The following PCSK5 variants were observed in gnomAD, a reference collection of about 807,000 sequenced individuals.
The protein encoded by PCSK5 is prohormone convertase 5.
In PCSK5, 129 loss-of-function variants were observed where a neutral mutation model predicts 233.2. The ratio of observed to expected loss-of-function variants is 0.55; its 90% CI spans 0.48 to 0.64. PCSK5 has a LOEUF of 0.64. Among genes scored for constraint, PCSK5 ranks in the 30% least tolerant of loss-of-function variants. PCSK5 has a pLI of 0.00. For missense variants in PCSK5, 2,076 were observed against 2,430.1 expected (o/e 0.85, Z 3.06); for synonymous variants, 825 against 879.2 (o/e 0.94, Z 1.09).
chr9:75,909,672 G>T (rs1333522787), intron 1 of PCSK5, among the ~76,000 whole-genome samples: 2 of 152,100 alleles, frequency 1.3e-5, no homozygotes, highest in East Asian at 3.9e-4. Context: ...TTCAGCCTGG[G>T]TAACAAGAGC....
chr9:76,240,688 T>C lies in PCSK5; in HGVS notation c.3142+4T>C, dbSNP rs748997177. ...GGATGTCTGGGATGCAGCTTGGGTA[T>C]GTCCTCTTCCTTTGTCACCTAAAGA... On this transcript the variant is annotated splice_donor_region_variant and intron_variant, in intron 24 of 37. Coordinates refer to ENST00000674117, the MANE Select transcript of PCSK5 (RefSeq NM_001372043.1). 6.4e-7 allele frequency: 1 copy of C among 1,571,774 alleles called. No homozygotes were observed. Among genetic ancestry groups the C allele is most frequent in the Non-Finnish European group, 8.7e-7 (1 of 1,154,620 alleles).
chr9:76,332,690 A>T, intron 34 of PCSK5, 80 bp downstream of exon 34: 1 of 1,070,496 alleles, frequency 9.3e-7, no homozygotes. Context: ...GAGGAAACTA[A>T]GATTCAGAAC....
intron 2 of PCSK5, among the ~76,000 whole-genome samples, chr9:75,946,558 A>C (rs1309660582): frequency 6.6e-6 from 1 of 151,500 alleles, no homozygotes; most frequent in African/African-American, 2.4e-5. Flanking sequence ...TTCTTTCCAA[A>C]CTTTCTCCTT....
intron 2 of PCSK5, among the ~76,000 whole-genome samples, chr9:75,943,751 T>A (rs145908186): frequency 2.4e-3 from 359 of 152,310 alleles, no homozygotes; most frequent in African/African-American, 8.0e-3. Flanking sequence ...TGCAATATAA[T>A]GAACTGCGCA....
At chr9:76,332,380 G>A in intron 33 of PCSK5, 53 bp from the exon 34 acceptor site, 2 of 1,386,330 alleles carry the variant, frequency 1.4e-6, no homozygotes, top group East Asian at 2.3e-5. Flanking sequence ...AAAATACAGG[G>A]GAGACATGTG....
intron 24 of PCSK5, among the ~76,000 whole-genome samples, chr9:76,276,511 C>A (rs1427391812): frequency 6.6e-6 from 1 of 152,180 alleles, no homozygotes; most frequent in Non-Finnish European, 1.5e-5. Context: ...TGACTCTCTC[C>A]CTTTCTCTCC....
chr9:76,236,844 C>A (rs1352507895), intron 22 of PCSK5, among the ~76,000 whole-genome samples: 5 of 152,184 alleles, frequency 3.3e-5, no homozygotes, highest in Non-Finnish European at 2.9e-5. Context: ...AAGAACACTT[C>A]CTTCTAAATC....
chr9:76,236,640 C>T (rs966945399), intron 22 of PCSK5, among the ~76,000 whole-genome samples: 2 of 152,234 alleles, frequency 1.3e-5, no homozygotes, highest in South Asian at 2.1e-4. Flanking sequence ...AAAATCTGAC[C>T]GAATCTTGAC....
At chr9:75,945,016 G>A (rs925175794) in intron 2 of PCSK5, among the ~76,000 whole-genome samples, 28 of 151,920 alleles carry the variant, frequency 1.8e-4, no homozygotes, top group African/African-American at 6.3e-4. Flanking sequence ...GGCTGAGGCA[G>A]GAGAATTGCT....
intron 5 of PCSK5, among the ~76,000 whole-genome samples, chr9:76,042,227 CT>C (rs1563989900): frequency 6.6e-6 from 1 of 152,200 alleles, no homozygotes; most frequent in African/African-American, 2.4e-5. Flanking sequence ...GATAAAAAAC[CT>C]AAAACAAGTG....
At chr9:76,090,840 G>A (rs1831256724) in intron 7 of PCSK5, among the ~76,000 whole-genome samples, 1 of 152,086 alleles carries the variant, frequency 6.6e-6, no homozygotes. Context: ...TAGAATCATG[G>A]GAACCCTGAG....
chr9:75,948,194 G>A (rs964714568), intron 2 of PCSK5, among the ~76,000 whole-genome samples: 1 of 151,990 alleles, frequency 6.6e-6, no homozygotes, highest in African/African-American at 2.4e-5. Flanking sequence ...AAGTTCTAGG[G>A]TACATGTGTA....
At chr9:76,166,431 G>C (rs751981653) in intron 12 of PCSK5, among the ~76,000 whole-genome samples, 2 of 152,162 alleles carry the variant, frequency 1.3e-5, no homozygotes, top group African/African-American at 4.8e-5. Flanking sequence ...AAAGTGATTG[G>C]TAGCAATGAA....
At chr9:75,916,443 C>T (rs889139316) in intron 1 of PCSK5, among the ~76,000 whole-genome samples, 2 of 151,992 alleles carry the variant, frequency 1.3e-5, no homozygotes, top group South Asian at 2.1e-4. Context: ...GGCAATATAG[C>T]GGTGTTTTTA....
In PCSK5 at chr9:75,993,279, T is replaced by TACCA. The variant is rs536289071; in HGVS notation, c.411+7034_411+7035insACCA. 7.4e-4 allele frequency among the ~76,000 whole-genome samples: 113 copies of TACCA among 152,238 alleles called. 3 individuals carry two copies. In the South Asian group the frequency reaches 0.023, roughly 31 times the overall value. The stretch of plus-strand genomic sequence containing the variant: ...GCCAGTGAGGCAGTAAATAATGGAC[T>TACCA]GGTAGGAACTAGTAAGAGTTGAGAT... On this transcript the variant is annotated intron_variant, in intron 3 of 37. Transcript: ENST00000674117.
At chr9:76,345,626 G>T (rs908034301) in intron 35 of PCSK5, among the ~76,000 whole-genome samples, 1 of 151,844 alleles carries the variant, frequency 6.6e-6, no homozygotes, top group African/African-American at 2.4e-5. Context: ...GTTTCACCAT[G>T]TTAGACAGGA....
At chr9:75,925,116 G>A (rs1388970078) in intron 1 of PCSK5, among the ~76,000 whole-genome samples, 2 of 152,144 alleles carry the variant, frequency 1.3e-5, no homozygotes, top group East Asian at 1.9e-4. Flanking sequence ...TTTTTGTTCA[G>A]TGATTTGAAG....
chr9:76,095,808 A>T, intron 7 of PCSK5, 82 bp from the exon 8 acceptor site: 1 of 1,216,102 alleles, frequency 8.2e-7, no homozygotes, highest in Non-Finnish European at 1.2e-6. Flanking sequence ...ACCTGCACCT[A>T]CTCAGTTTGG....
At chr9:76,184,102 T>C (rs1344497986) in intron 16 of PCSK5, among the ~76,000 whole-genome samples, 3 of 152,202 alleles carry the variant, frequency 2.0e-5, no homozygotes, top group Non-Finnish European at 4.4e-5. Flanking sequence ...TTATACCAAT[T>C]CCACTGCAGC....
Sources: allele counts gnomAD v4.1 joint callset (sites outside exome capture counted in the v4.1 genomes callset), GRCh38; gene constraint gnomAD v4.1.1; transcripts MANE v1.5; gene names NCBI Gene and HGNC (gene_info 2026-07-23, HGNC 2026-07-21).